Variants in TRPM8 observed in about 807,000 individuals in gnomAD.
The protein encoded by TRPM8 is transient receptor potential cation channel subfamily M member 8, also known as TRPM8 cationic channel.
Under a neutral mutation model 133.7 loss-of-function variants are expected in TRPM8, and 110 were observed. The observed-to-expected ratio is 0.82, with a 90% CI of 0.70 to 0.96. TRPM8 has a LOEUF of 0.96. TRPM8 is among the 40% of genes least tolerant of loss of function. TRPM8 has a pLI of 0.00. For missense variants in TRPM8, 1,291 were observed against 1,379.5 expected (o/e 0.94, Z 1.02); for synonymous variants, 535 against 532.3 (o/e 1.01, Z -0.07).
At chr2:233,921,757 A>G (rs1490399682) in intron 1 of TRPM8, among the ~76,000 whole-genome samples, 1 of 143,406 alleles carries the variant, frequency 7.0e-6, no homozygotes, top group African/African-American at 2.7e-5. Flanking sequence ...GATCACTGCA[A>G]CCTCCCAGGT....
At chr2:234,005,783 C>T (rs564349707) in intron 22 of TRPM8, among the ~76,000 whole-genome samples, 2 of 151,996 alleles carry the variant, frequency 1.3e-5, no homozygotes, top group East Asian at 1.9e-4. Flanking sequence ...TGGTGGTATG[C>T]GCTTGTAGTC....
intron 4 of TRPM8, among the ~76,000 whole-genome samples, chr2:233,938,059 G>A (rs1168936606): frequency 1.3e-5 from 2 of 152,100 alleles, no homozygotes; most frequent in Non-Finnish European, 2.9e-5. Flanking sequence ...AGGTGACCCA[G>A]CCCATGGCAT....
rs1553664210 is a variant in TRPM8 at position 233,978,081 on chromosome 2, C to CTTTA, written c.2356-2104_2356-2103insATTT. On this transcript the variant is annotated intron_variant, in intron 17 of 25. Transcript: ENST00000324695. ...ACTGTGTTCATCACCTTACAATTTG[C>CTTTA]TTTTTTTTTTTTTTAGAATTTCTCA... Among the ~76,000 whole-genome samples, 29 of 126,950 alleles carry CTTTA rather than the reference C, an allele frequency of 2.3e-4. 1 individual carries two copies. The highest frequency in any genetic ancestry group is 3.7e-4 in the Non-Finnish European group (21 of 56,112). 83.3% of individuals were successfully genotyped at this position (126,950 alleles called of 152,430 possible). A position where few individuals can be genotyped will look rare whatever the true frequency, so the allele number is the denominator to read the frequency against.
At chr2:233,973,894 A>G (rs1332838725) in intron 17 of TRPM8, among the ~76,000 whole-genome samples, 1 of 152,232 alleles carries the variant, frequency 6.6e-6, no homozygotes, top group East Asian at 1.9e-4. Flanking sequence ...CCCTGGAGCC[A>G]CGGTGCGGGA....
At chr2:233,921,678 T>C (rs1429172293) in intron 1 of TRPM8, among the ~76,000 whole-genome samples, 2 of 64,342 alleles carry the variant, frequency 3.1e-5, no homozygotes, top group Non-Finnish European at 5.1e-5. Flanking sequence ...TTTTCTTTTC[T>C]TTTTTTTTTT....
rs145525311 is a variant in TRPM8, at chr2:233,938,319, G to A, written c.349-679G>A. On this transcript the variant is annotated intron_variant, in intron 4 of 25. Transcript: ENST00000324695. The stretch of plus-strand genomic sequence containing the variant: ...TCGCCTGTGGGGCTTTTCAGGGCCC[G>A]TGCAGCACCCCCACTCCCCCCAGTC... 1.0e-2 allele frequency among the ~76,000 whole-genome samples: 1,521 copies of A among 152,282 alleles called. 13 individuals carry two copies. The highest frequency in any genetic ancestry group is 0.016 in the Non-Finnish European group (1,071 of 68,020).
intron 5 of TRPM8, among the ~76,000 whole-genome samples, 184 bp downstream of exon 5, chr2:233,939,359 G>C (rs1292390891): frequency 1.3e-5 from 2 of 152,226 alleles, no homozygotes; most frequent in Non-Finnish European, 2.9e-5. Context: ...GGCAGATAGC[G>C]GGGGAGCTTC....
chr2:233,937,463 A>G lies in TRPM8; in HGVS notation c.302A>G (p.Asp101Gly), dbSNP rs766535214. 6.2e-7 allele frequency: 1 copy of G among 1,614,152 alleles called. No individual in the cohort carries two copies. Among genetic ancestry groups the G allele is most frequent in the Non-Finnish European group, 8.5e-7 (1 of 1,180,022 alleles). The change falls in exon 4 of 26, where the codon GAC (aspartate) becomes GGC (glycine). Residue 101 changes from aspartate (D) to glycine (G), a missense_variant. Coordinates refer to ENST00000324695, the MANE Select transcript of TRPM8 (RefSeq NM_024080.5). ...YKKHTKEFPT[D>G]AFGDIQFETL... ...AAACACACCAAGGAATTTCCTACCG[A>G]CGCCTTTGGGGATATTCAGTTTGAG... is the stretch of plus-strand genomic sequence containing the variant.
rs1273059733 is a variant in TRPM8, at chr2:233,969,785, G to C, written c.2116G>C (p.Gly706Arg). The change falls in exon 16 of 26, where the codon GGC becomes CGC. Residue 706 changes from glycine (G) to arginine (R), a missense_variant. Gly to Arg is a moderately radical substitution (Grantham distance 125). Transcript: ENST00000324695. ...ILCLFIIPLVGCGFVSFRKKP... is the reference protein window; with the variant it reads ...ILCLFIIPLVRCGFVSFRKKP... The stretch of plus-strand genomic sequence containing the variant: ...GTGTCTGTTTATTATACCCTTGGTG[G>C]GCTGTGGCTTTGTATCATTTAGGTA... The C allele has an allele frequency of 6.2e-7, 1 of 1,613,090 alleles. No individual in the cohort carries two copies. The highest frequency in any genetic ancestry group is 1.7e-5 in the Admixed American group (1 of 60,002).
At chr2:233,951,160 T>C (rs776566136) in intron 9 of TRPM8, among the ~76,000 whole-genome samples, 5 of 151,736 alleles carry the variant, frequency 3.3e-5, no homozygotes, top group Non-Finnish European at 7.4e-5. Context: ...AGCTAGGGAG[T>C]TTGAGGCTGT....
chr2:233,990,629 G>A (rs11695247), intron 21 of TRPM8, among the ~76,000 whole-genome samples: 21,045 of 152,200 alleles, frequency 0.14, 1,863 homozygotes, highest in Middle Eastern at 0.22. Flanking sequence ...CACTAATCAC[G>A]GGTTTCTGTG....
chr2:233,927,862 CTTTCTTT>C (rs1691584436), intron 2 of TRPM8, among the ~76,000 whole-genome samples: 1 of 31,650 alleles, frequency 3.2e-5, no homozygotes, highest in Non-Finnish European at 4.8e-5. Flanking sequence ...CTTTCTTTCT[CTTTCTTT>C]CTTTCTTTCT....
At chr2:233,919,993 A>C (rs1691375902) in intron 1 of TRPM8, among the ~76,000 whole-genome samples, 1 of 152,202 alleles carries the variant, frequency 6.6e-6, no homozygotes, top group African/African-American at 2.4e-5. Context: ...TCTGTGGGCC[A>C]GTGGTCCTCT....
intron 11 of TRPM8, 193 bp downstream of exon 11, chr2:233,955,443 G>T: frequency 2.1e-6 from 1 of 478,136 alleles, no homozygotes; most frequent in Non-Finnish European, 3.7e-6. Flanking sequence ...TAGTAGGTTT[G>T]TTGTGAAGAG....
chr2:233,948,310 TAG>T (rs1249617878), intron 8 of TRPM8, among the ~76,000 whole-genome samples: 1 of 152,214 alleles, frequency 6.6e-6, no homozygotes, highest in Non-Finnish European at 1.5e-5. Flanking sequence ...AACATTAAAA[TAG>T]AGATTTTTTT....
At position 233,939,097 on chromosome 2, in the gene TRPM8, G is replaced by C. The variant is rs199497591; in HGVS notation, c.448G>C (p.Gly150Arg). The C allele has an allele frequency of 4.0e-5, 64 of 1,613,984 alleles. No individual in the cohort carries two copies. Among genetic ancestry groups the C allele is most frequent in the South Asian group, 1.3e-4 (12 of 91,082 alleles). The change falls in exon 5 of 26, where the codon GGG (glycine) becomes CGG (arginine). Residue 150 changes from glycine (G) to arginine (R), a missense_variant. Physicochemically the swap from Gly to Arg is moderately radical, Grantham distance 125. Around this residue, in one of 2 missense-constraint regions of TRPM8, gnomAD observed 963 missense variants for 968.9 expected, o/e 0.99. Coordinates refer to ENST00000324695, the MANE Select transcript of TRPM8 (RefSeq NM_024080.5). ...KTPNLVISVTGGAKNFALKPR... is the reference protein window; with the variant it reads ...KTPNLVISVTRGAKNFALKPR... ...ACCCAACCTGGTCATTTCTGTGACCGGGGGCGCCAAGAACTTCGCCCTGAA... is the reference window on the plus strand; with the variant it reads ...ACCCAACCTGGTCATTTCTGTGACCCGGGGCGCCAAGAACTTCGCCCTGAA...
At chr2:233,973,308 G>T (rs1691779279) in intron 17 of TRPM8, among the ~76,000 whole-genome samples, 1 of 152,242 alleles carries the variant, frequency 6.6e-6, no homozygotes. Context: ...CTAGAGGCCA[G>T]AAGTCTGAGA....
At chr2:233,920,086 G>A (rs1310970948) in intron 1 of TRPM8, among the ~76,000 whole-genome samples, 1 of 152,196 alleles carries the variant, frequency 6.6e-6, no homozygotes, top group Non-Finnish European at 1.5e-5. Flanking sequence ...GATGTCTCAT[G>A]CTCTTGAGGT....
chr2:233,921,622 ATTTTCTT>A (rs1691410594), intron 1 of TRPM8, among the ~76,000 whole-genome samples: 1 of 138,336 alleles, frequency 7.2e-6, no homozygotes, highest in Non-Finnish European at 1.6e-5. Context: ...ACAGAAACAC[ATTTTCTT>A]TTTTCTTTTC....
Sources: gnomAD v4.1 joint callset for allele counts (sites outside exome capture counted in the v4.1 genomes callset) on GRCh38, gnomAD v4.1.1 for gene constraint, gnomAD v4.1.1 regional missense constraint, MANE v1.5 for transcripts, NCBI Gene and HGNC (gene_info 2026-07-23, HGNC 2026-07-21) for gene names.